The following PTPRT variants were observed in gnomAD, a reference collection of about 807,000 sequenced individuals.
The protein encoded by PTPRT is receptor-type tyrosine-protein phosphatase T.
A neutral mutation model predicts 176.8 loss-of-function variants in PTPRT; 56 were observed. That is an observed-to-expected ratio of 0.32 (90% CI 0.26 to 0.40). The LOEUF (loss-of-function observed/expected upper bound fraction) is 0.40, where lower values mean the gene tolerates loss of function less well. Among genes scored for constraint, PTPRT ranks in the 10% least tolerant of loss-of-function variants. The pLI is 1.00. For synonymous variants in PTPRT, 783 were observed against 739.0 expected, an observed-to-expected ratio of 1.06 and a Z score of -0.96; for missense variants, 1,540 against 1,908.2, an observed-to-expected ratio of 0.81 and a Z score of 3.60.
chr20:42,352,850 A>G (rs2058305880), intron 9 of PTPRT, among the ~76,000 whole-genome samples: 1 of 152,184 alleles, frequency 6.6e-6, no homozygotes, highest in African/African-American at 2.4e-5. Flanking sequence ...ATATACACCT[A>G]CTATGTACCC....
intron 1 of PTPRT, among the ~76,000 whole-genome samples, chr20:43,042,167 C>T (rs1429644130): frequency 6.6e-6 from 1 of 152,180 alleles, no homozygotes. Context: ...GGGCTATTTT[C>T]CTCCCTTCAC....
intron 8 of PTPRT, among the ~76,000 whole-genome samples, chr20:42,449,830 A>G (rs1209452200): frequency 6.6e-6 from 1 of 152,264 alleles, no homozygotes; most frequent in Non-Finnish European, 1.5e-5. Flanking sequence ...GTTGAATATT[A>G]AGAATATATA....
intron 15 of PTPRT, among the ~76,000 whole-genome samples, chr20:42,201,521 G>C (rs981027529): frequency 2.0e-5 from 3 of 152,074 alleles, no homozygotes; most frequent in African/African-American, 7.2e-5. Flanking sequence ...GCTGATAAAG[G>C]TGACAAATGT....
At chr20:42,632,907 T>C (rs2074443747) in intron 7 of PTPRT, among the ~76,000 whole-genome samples, 1 of 152,040 alleles carries the variant, frequency 6.6e-6, no homozygotes, top group Non-Finnish European at 1.5e-5. Flanking sequence ...AGGTGGCACA[T>C]CACAGTATGT....
At chr20:42,164,179 G>C (rs145021765) in intron 16 of PTPRT, among the ~76,000 whole-genome samples, 1 of 152,338 alleles carries the variant, frequency 6.6e-6, no homozygotes, top group East Asian at 1.9e-4. Flanking sequence ...GTTGTCTTCA[G>C]AGACCCACAG....
At chr20:42,421,693 A>G (rs894396821) in intron 9 of PTPRT, among the ~76,000 whole-genome samples, 1 of 152,184 alleles carries the variant, frequency 6.6e-6, no homozygotes, top group African/African-American at 2.4e-5. Context: ...TCAAGAAACT[A>G]GAGAAGAATA....
chr20:42,883,421 C>T (rs955697739), intron 2 of PTPRT, among the ~76,000 whole-genome samples: 3 of 152,018 alleles, frequency 2.0e-5, no homozygotes, highest in South Asian at 2.1e-4. Flanking sequence ...AAACATGGCC[C>T]CCCGGTTTCT....
chr20:42,215,890 C>A lies in PTPRT; in HGVS notation c.2343-16502G>T, dbSNP rs551136888. Among the ~76,000 whole-genome samples the A allele has an allele frequency of 2.8e-4, 42 of 152,282 alleles. 1 individual carries two copies. The highest frequency in any genetic ancestry group is 9.6e-4 in the African/African-American group (40 of 41,548). ...CTGCAGCTCCCTATATAGGGCCATT[C>A]CTTGCTGAGCTGAGGCTGAGCTGAA... On this transcript the variant is annotated intron_variant, in intron 15 of 30. Coordinates refer to ENST00000373187, the MANE Select transcript of PTPRT (RefSeq NM_007050.6).
intron 7 of PTPRT, among the ~76,000 whole-genome samples, chr20:42,641,032 C>T (rs950808138): frequency 1.3e-5 from 2 of 152,106 alleles, no homozygotes; most frequent in African/African-American, 4.8e-5. Flanking sequence ...TTAATTGCTG[C>T]ATAATATTCC....
chr20:43,152,790 G>A (rs576246559), intron 1 of PTPRT, among the ~76,000 whole-genome samples: 2 of 152,178 alleles, frequency 1.3e-5, no homozygotes, highest in East Asian at 3.9e-4. Flanking sequence ...ATAAAACATG[G>A]CATTCTCCTT....
chr20:43,087,784 T>G (rs772307950), intron 1 of PTPRT, among the ~76,000 whole-genome samples: 1 of 152,176 alleles, frequency 6.6e-6, no homozygotes, highest in Admixed American at 6.5e-5. Context: ...CTCTAACCTA[T>G]GAGCTTTTAC....
At chr20:42,239,413 CTTTTTTTTTTTT>C (rs35978863) in intron 14 of PTPRT, among the ~76,000 whole-genome samples, 28 of 81,226 alleles carry the variant, frequency 3.4e-4, no homozygotes, top group African/African-American at 1.2e-3. Flanking sequence ...CATTTTCTTT[CTTTTTTTTTTTT>C]TTTTTTTTTT....
intron 1 of PTPRT, among the ~76,000 whole-genome samples, chr20:43,093,738 T>C (rs1412216891): frequency 1.3e-5 from 2 of 152,156 alleles, no homozygotes; most frequent in Admixed American, 1.3e-4. Flanking sequence ...ACCATGGCCC[T>C]GGAGATGCAG....
chr20:43,128,417 G>A (rs549791100), intron 1 of PTPRT, among the ~76,000 whole-genome samples: 10 of 152,314 alleles, frequency 6.6e-5, no homozygotes, highest in African/African-American at 1.7e-4. Context: ...ACTCTGAAAG[G>A]TTCAAGTCCC....
At chr20:42,633,990 T>A (rs28664897) in intron 7 of PTPRT, among the ~76,000 whole-genome samples, 5 of 22,572 alleles carry the variant, frequency 2.2e-4, no homozygotes, top group African/African-American at 4.9e-4. Flanking sequence ...ATATATTATA[T>A]TATATATATT....
intron 9 of PTPRT, among the ~76,000 whole-genome samples, chr20:42,370,838 ACTC>A (rs879373778): frequency 8.6e-5 from 13 of 152,022 alleles, no homozygotes; most frequent in Non-Finnish European, 1.9e-4. Context: ...GGTTGCTGTT[ACTC>A]CCACATCATC....
intron 2 of PTPRT, among the ~76,000 whole-genome samples, chr20:42,823,161 G>T (rs2077929170): frequency 6.6e-6 from 1 of 152,086 alleles, no homozygotes; most frequent in African/African-American, 2.4e-5. Flanking sequence ...TGATAGACCG[G>T]ATAAAGAAAA....
chr20:42,077,236 G>A lies in PTPRT; in HGVS notation c.*3643C>T, dbSNP rs2146065747. ...GTCCCCTTCCATTCCCACAAAGAGAGGCCTACTGTGGCCTTCTAGAGGCCC... is the reference window on the plus strand; with the variant it reads ...GTCCCCTTCCATTCCCACAAAGAGAAGCCTACTGTGGCCTTCTAGAGGCCC... On this transcript the variant is annotated 3_prime_UTR_variant, in exon 31 of 31. Transcript: ENST00000373187. 1 of 185,984 alleles carries A rather than the reference G, an allele frequency of 5.4e-6. No homozygotes were observed. Among genetic ancestry groups the A allele is most frequent in the Non-Finnish European group, 1.1e-5 (1 of 87,924 alleles). The allele number at this position is 185,984 out of a possible 1,614,324, so 11.5% of individuals were successfully genotyped here.
chr20:42,569,094 A>ATATATAAAAT (rs1568984757), intron 7 of PTPRT, among the ~76,000 whole-genome samples: 22 of 115,754 alleles, frequency 1.9e-4, no homozygotes, highest in African/African-American at 7.0e-4. Flanking sequence ...ATATATATAT[A>ATATATAAAAT]TATATATATA....
Sources: gnomAD v4.1 joint callset for allele counts (sites outside exome capture counted in the v4.1 genomes callset) on GRCh38, gnomAD v4.1.1 for gene constraint, MANE v1.5 for transcripts, NCBI Gene and HGNC (gene_info 2026-07-23, HGNC 2026-07-21) for gene names.